ERBB4: variants seen among roughly 807,000 people sequenced by gnomAD.
ERBB4 encodes the protein receptor tyrosine-protein kinase erbB-4.
ERBB4 carries 42 observed loss-of-function variants against 158.0 expected under a neutral mutation model. The ratio of observed to expected loss-of-function variants is 0.27; its 90% CI spans 0.21 to 0.34. ERBB4 has a LOEUF of 0.34. Ranked by LOEUF, ERBB4 falls within the 10% of genes least tolerant of loss-of-function variation. The pLI is 1.00. For synonymous variants in ERBB4, 583 were observed against 558.7 expected, an observed-to-expected ratio of 1.04 and a Z score of -0.61; for missense variants, 1,333 against 1,624.1, an observed-to-expected ratio of 0.82 and a Z score of 3.08.
At chr2:212,086,044 G>C (rs2078597719) in intron 2 of ERBB4, among the ~76,000 whole-genome samples, 1 of 151,874 alleles carries the variant, frequency 6.6e-6, no homozygotes, top group African/African-American at 2.4e-5. Context: ...CATTGACATG[G>C]TTACGGTTGG....
At chr2:211,541,966 C>T (rs903632824) in intron 20 of ERBB4, among the ~76,000 whole-genome samples, 9 of 151,870 alleles carry the variant, frequency 5.9e-5, no homozygotes, top group African/African-American at 1.9e-4. Context: ...TGGAGCAAAA[C>T]CAAAGATGTA....
chr2:211,794,167 T>C (rs1229695281), intron 3 of ERBB4, among the ~76,000 whole-genome samples: 6 of 151,942 alleles, frequency 3.9e-5, no homozygotes, highest in East Asian at 1.9e-4. Flanking sequence ...GTAATGCTTG[T>C]TGCAATGTTC....
chr2:211,590,563 C>A (rs71422748), intron 19 of ERBB4, among the ~76,000 whole-genome samples: 1 of 151,862 alleles, frequency 6.6e-6, no homozygotes, highest in Non-Finnish European at 1.5e-5. Flanking sequence ...AGACAGGGAC[C>A]CCCCTCCCCA....
chr2:211,556,896 C>T (rs1166253205), intron 20 of ERBB4, among the ~76,000 whole-genome samples: 2 of 152,142 alleles, frequency 1.3e-5, no homozygotes, highest in East Asian at 1.9e-4. Flanking sequence ...CAGCATGGTA[C>T]TGGTACAAAA....
intron 1 of ERBB4, among the ~76,000 whole-genome samples, chr2:212,467,470 G>A (rs1179190431): frequency 5.9e-5 from 9 of 152,184 alleles, no homozygotes; most frequent in African/African-American, 1.7e-4. Flanking sequence ...GTGGCTGAAG[G>A]GCCAACATAG....
intron 1 of ERBB4, among the ~76,000 whole-genome samples, chr2:212,525,567 T>C (rs1692404311): frequency 6.6e-6 from 1 of 151,974 alleles, no homozygotes; most frequent in African/African-American, 2.4e-5. Context: ...TAGGAACACA[T>C]CTTGACATTC....
At chr2:212,175,116 T>G (rs1253839552) in intron 1 of ERBB4, among the ~76,000 whole-genome samples, 1 of 152,070 alleles carries the variant, frequency 6.6e-6, no homozygotes, top group Admixed American at 6.6e-5. Context: ...CCATATCATC[T>G]CTAAAACTTT....
At chr2:211,783,593 G>C (rs2076086351) in intron 4 of ERBB4, among the ~76,000 whole-genome samples, 1 of 152,122 alleles carries the variant, frequency 6.6e-6, no homozygotes, top group Non-Finnish European at 1.5e-5. Context: ...GTTGAATTTT[G>C]TCAAAGGCCT....
chr2:212,434,607 G>C (rs989760560), intron 1 of ERBB4, among the ~76,000 whole-genome samples: 2 of 151,874 alleles, frequency 1.3e-5, no homozygotes, highest in Non-Finnish European at 2.9e-5. Context: ...TATACACACA[G>C]AGAGACACGT....
intron 1 of ERBB4, among the ~76,000 whole-genome samples, chr2:212,245,026 C>G (rs2084259013): frequency 6.6e-6 from 1 of 152,030 alleles, no homozygotes; most frequent in Non-Finnish European, 1.5e-5. Flanking sequence ...GGATTTGAAT[C>G]ACAGTTATTT....
At chr2:211,743,061 A>T (rs1319277503) in intron 5 of ERBB4, among the ~76,000 whole-genome samples, 3 of 152,130 alleles carry the variant, frequency 2.0e-5, no homozygotes, top group Non-Finnish European at 4.4e-5. Flanking sequence ...AGAGAAGTGT[A>T]TCTGTTCACT....
intron 16 of ERBB4, among the ~76,000 whole-genome samples, chr2:211,636,594 A>G (rs1574901815): frequency 6.6e-6 from 1 of 151,954 alleles, no homozygotes; most frequent in Non-Finnish European, 1.5e-5. Context: ...CTAATAATCA[A>G]TAATGCCACT....
chr2:212,229,360 T>C (rs1016978324), intron 1 of ERBB4, among the ~76,000 whole-genome samples: 4 of 152,018 alleles, frequency 2.6e-5, no homozygotes, highest in South Asian at 4.2e-4. Context: ...TGAGAAATGG[T>C]TGGGGATATT....
chr2:211,947,422 T>C lies in ERBB4; in HGVS notation c.421+8A>G, dbSNP rs772267165. 2.0e-5 allele frequency: 32 copies of C among 1,610,600 alleles called. No individual in the cohort carries two copies. Among genetic ancestry groups the C allele is most frequent in the Non-Finnish European group, 2.5e-5 (30 of 1,177,150 alleles). On this transcript the variant is annotated splice_region_variant and intron_variant, in intron 3 of 27. Transcript: ENST00000342788. ...AAGCATATTTGCCATTTTGGATATA[T>C]TCCTTACCTGTCAAGTTCTTTAATC...
chr2:211,471,751 G>A (rs1298658469), intron 20 of ERBB4, among the ~76,000 whole-genome samples: 1 of 152,114 alleles, frequency 6.6e-6, no homozygotes, highest in Non-Finnish European at 1.5e-5. Context: ...AAGTGACAAA[G>A]TTTGGTAGGA....
chr2:211,992,684 C>T (rs565641322), intron 2 of ERBB4, among the ~76,000 whole-genome samples: 34 of 152,210 alleles, frequency 2.2e-4, no homozygotes, highest in African/African-American at 8.2e-4. Flanking sequence ...AGACTCTCCA[C>T]TCTTCAGGTG....
intron 1 of ERBB4, among the ~76,000 whole-genome samples, chr2:212,319,198 T>C (rs545398264): frequency 7.8e-4 from 118 of 151,736 alleles, no homozygotes; most frequent in South Asian, 4.1e-4. Flanking sequence ...GTTTTTACTT[T>C]TATGTAGACA....
intron 14 of ERBB4, among the ~76,000 whole-genome samples, chr2:211,670,905 C>T (rs763829878): frequency 6.6e-6 from 1 of 152,082 alleles, no homozygotes; most frequent in Non-Finnish European, 1.5e-5. Flanking sequence ...CTAATAAAGG[C>T]ATACTGAAGG....
At chr2:211,576,967 G>T (rs1297010920) in intron 19 of ERBB4, among the ~76,000 whole-genome samples, 2 of 152,120 alleles carry the variant, frequency 1.3e-5, no homozygotes, top group Non-Finnish European at 2.9e-5. Flanking sequence ...TCCTTCCAGA[G>T]TCTTCCTTCT....
Sources: gnomAD v4.1 joint callset for allele counts (sites outside exome capture counted in the v4.1 genomes callset) on GRCh38, gnomAD v4.1.1 for gene constraint, MANE v1.5 for transcripts, NCBI Gene and HGNC (gene_info 2026-07-23, HGNC 2026-07-21) for gene names.